SYNJ2: variants seen among roughly 807,000 people sequenced by gnomAD.
SYNJ2 encodes polyphosphatidylinositol phosphatase SYNJ2.
A neutral mutation model predicts 141.3 loss-of-function variants in SYNJ2; 116 were observed. The observed-to-expected ratio is 0.82, with a 90% CI of 0.71 to 0.96. The LOEUF is 0.96. SYNJ2 is among the 40% of genes least tolerant of loss of function. SYNJ2 has a pLI of 0.00. For missense variants in SYNJ2, 1,873 were observed against 1,934.8 expected, an observed-to-expected ratio of 0.97 and a Z score of 0.60; for synonymous variants, 745 against 777.7, an observed-to-expected ratio of 0.96 and a Z score of 0.70.
rs187724173 is a variant in SYNJ2 at position 158,089,620 on chromosome 6, G to A, written c.3457-219G>A. Among the ~76,000 whole-genome samples, 41 of 152,206 alleles carry A rather than the reference G, an allele frequency of 2.7e-4. No homozygotes were observed. In the East Asian group the frequency reaches 6.4e-3, roughly 24 times the overall value. On this transcript the variant is annotated intron_variant, in intron 24 of 26. Transcript: ENST00000355585. ...CATATGCAAAAATCTGTAATCACCC[G>A]GCTTTGAAGACCAGGGTCATCAGGT...
chr6:158,048,135 T>A (rs1251028897), intron 5 of SYNJ2, among the ~76,000 whole-genome samples: 1 of 152,160 alleles, frequency 6.6e-6, no homozygotes, highest in Non-Finnish European at 1.5e-5. Context: ...AGGGATCAGA[T>A]ACAGTCCCTA....
chr6:158,088,799 C>G (rs1783249186), intron 24 of SYNJ2, 27 bp downstream of exon 24: 1 of 1,552,564 alleles, frequency 6.4e-7, no homozygotes, highest in Admixed American at 1.7e-5. Context: ...ACATTTCAAT[C>G]CCAAGGGTTT....
At chr6:158,026,397 G>T (rs1025806851) in intron 2 of SYNJ2, among the ~76,000 whole-genome samples, 2 of 152,170 alleles carry the variant, frequency 1.3e-5, no homozygotes, top group African/African-American at 2.4e-5. Context: ...GTGAGATGGG[G>T]CTGGTAAGGG....
intron 1 of SYNJ2, among the ~76,000 whole-genome samples, chr6:157,996,969 A>G (rs1261704761): frequency 2.6e-5 from 4 of 152,250 alleles, no homozygotes; most frequent in African/African-American, 9.6e-5. Context: ...GTGCGAGAAC[A>G]GACTAGTACA....
chr6:158,086,837 C>T lies in SYNJ2; in HGVS notation c.3209-18C>T, dbSNP rs1447282249. 6.2e-7 allele frequency: 1 copy of T among 1,610,504 alleles called. No individual in the cohort carries two copies. The highest frequency in any genetic ancestry group is 8.5e-7 in the Non-Finnish European group (1 of 1,179,802). ...TGTGGAACAGACCATTGTACTCATG[C>T]CCCGCCATGTCCTCCAGATGACGCG... On this transcript the variant is annotated intron_variant, in intron 22 of 26. Transcript: ENST00000355585.
At chr6:158,076,910 A>C (rs1352948486) in intron 17 of SYNJ2, 128 bp downstream of exon 17, 1 of 1,188,540 alleles carries the variant, frequency 8.4e-7, no homozygotes, top group Non-Finnish European at 1.1e-6. Flanking sequence ...CAGATGACAC[A>C]AAAGTCATCC....
chr6:157,984,015 T>C (rs1011606545), intron 1 of SYNJ2, among the ~76,000 whole-genome samples: 1 of 151,734 alleles, frequency 6.6e-6, no homozygotes, highest in Non-Finnish European at 1.5e-5. Context: ...TTCTTTTCTT[T>C]TCTTTAAATG....
In SYNJ2 at chr6:158,040,433, T is replaced by G. The variant is rs971805988; in HGVS notation, c.712-2883T>G. ...ATCTCAGCCTCCTTGGGAGGAAGCC[T>G]TGAGTCTTTTTGGCTCTGCTGAGTC... On this transcript the variant is annotated intron_variant, in intron 4 of 26. Coordinates refer to ENST00000355585, the MANE Select transcript of SYNJ2 (RefSeq NM_003898.4). This position sits in a 1 kb window ranked among gnomAD's most constrained non-coding sequence, Gnocchi z 4.2. 1.3e-5 allele frequency among the ~76,000 whole-genome samples: 2 copies of G among 152,140 alleles called. No homozygotes were observed. The highest frequency in any genetic ancestry group is 2.9e-5 in the Non-Finnish European group (2 of 68,040).
rs536198066 is a variant in SYNJ2 at position 158,021,654 on chromosome 6, G to C, written c.214+4364G>C. Among the ~76,000 whole-genome samples, 8 of 152,280 alleles carry C rather than the reference G, an allele frequency of 5.3e-5. No homozygotes were observed. In the South Asian group the frequency reaches 1.2e-3, roughly 24 times the overall value. On this transcript the variant is annotated intron_variant, in intron 2 of 26. Transcript: ENST00000355585. ...TGGCCTCGGGGTGTGGACTCCTGGT[G>C]GGGGGCTCCTCTGCACAGGCTAGCA...
At position 158,012,045 on chromosome 6, in the gene SYNJ2, C is replaced by T. The variant is rs189324602; in HGVS notation, c.128-5159C>T. On this transcript the variant is annotated intron_variant, in intron 1 of 26. Transcript: ENST00000355585. ...GGGGGAAGACATTTGGCAATGCACA[C>T]AGCCTTTGTTTCTGCCTGTGAAGTT... 5.5e-4 allele frequency among the ~76,000 whole-genome samples: 84 copies of T among 152,316 alleles called. 1 individual carries two copies. Among genetic ancestry groups the T allele is most frequent in the Non-Finnish European group, 5.3e-4 (36 of 68,028 alleles).
At chr6:158,044,784 A>C (rs1435928190) in intron 5 of SYNJ2, among the ~76,000 whole-genome samples, 1 of 152,160 alleles carries the variant, frequency 6.6e-6, no homozygotes, top group Non-Finnish European at 1.5e-5. Flanking sequence ...CCCTCATGCC[A>C]ACTCGACTGT....
intron 16 of SYNJ2, 53 bp downstream of exon 16, chr6:158,074,791 A>T: frequency 6.3e-7 from 1 of 1,592,960 alleles, no homozygotes; most frequent in Non-Finnish European, 8.5e-7. Context: ...ATGGAATGAC[A>T]TCTGTGAGAT....
chr6:158,057,015 C>T lies in SYNJ2; in HGVS notation c.857+1987C>T, dbSNP rs994412390. 1.1e-4 allele frequency among the ~76,000 whole-genome samples: 16 copies of T among 151,966 alleles called. No homozygotes were observed. In the East Asian group the frequency reaches 2.7e-3, roughly 26 times the overall value. On this transcript the variant is annotated intron_variant, in intron 6 of 26. Transcript: ENST00000355585. The stretch of plus-strand genomic sequence containing the variant: ...GTGGAAGGGCTAACCTTTCACAGGG[C>T]GGTGCCTCAGTCTCTCCTCACAGGA...
rs371151758 is a variant in SYNJ2 at position 158,088,646 on chromosome 6, G to A, written c.3344-14G>A. On this transcript the variant is annotated splice_polypyrimidine_tract_variant and intron_variant, in intron 23 of 26. Coordinates refer to ENST00000355585, the MANE Select transcript of SYNJ2 (RefSeq NM_003898.4). Reference sequence around the variant, plus strand: ...TCACTGAGATTGAGACTCTGCCCTCGTTGGTTTTTACAGCCGGTTTAATGG... The same window carrying A: ...TCACTGAGATTGAGACTCTGCCCTCATTGGTTTTTACAGCCGGTTTAATGG... 1.2e-4 allele frequency: 194 copies of A among 1,607,538 alleles called. No individual in the cohort carries two copies. The highest frequency in any genetic ancestry group is 2.7e-4 in the East Asian group (12 of 44,852).
chr6:158,084,080 A>T lies in SYNJ2; in HGVS notation c.3114A>T (p.Gly1038=). The change falls in exon 22 of 27, where the codon GGA becomes GGT. Residue 1038 remains glycine, a synonymous_variant. Transcript: ENST00000355585. This position sits in a 1 kb window ranked among gnomAD's most constrained non-coding sequence, Gnocchi z 5.0. ...QPGVSDSELG[G]DDLSDVPGPT... is the part of the protein sequence containing the mutation. ...GAGTCTCGGACAGTGAACTCGGGGG[A>T]GACGACCTCTCTGATGTCCCCGGCC... The T allele has an allele frequency of 6.2e-7, 1 of 1,614,108 alleles. No individual in the cohort carries two copies. Among genetic ancestry groups the T allele is most frequent in the Middle Eastern group, 1.6e-4 (1 of 6,062 alleles).
At chr6:158,087,874 T>TC (rs980299632) in intron 23 of SYNJ2, among the ~76,000 whole-genome samples, 1 of 142,438 alleles carries the variant, frequency 7.0e-6, no homozygotes, top group Non-Finnish European at 1.5e-5. Flanking sequence ...GCAACATACT[T>TC]CTTTTTTTTT....
At chr6:158,008,517 C>A (rs1481104810) in intron 1 of SYNJ2, among the ~76,000 whole-genome samples, 1 of 152,154 alleles carries the variant, frequency 6.6e-6, no homozygotes, top group Non-Finnish European at 1.5e-5. Flanking sequence ...CTTGGTGCTG[C>A]TGGTGTGAGG....
intron 25 of SYNJ2, among the ~76,000 whole-genome samples, chr6:158,091,255 G>A (rs560504425): frequency 2.6e-5 from 4 of 152,032 alleles, no homozygotes; most frequent in East Asian, 1.9e-4. Flanking sequence ...GGTGGAGCTC[G>A]CAGTGAGCCA....
At chr6:158,091,751 T>TAA (rs35408343) in intron 25 of SYNJ2, among the ~76,000 whole-genome samples, 14 of 100,996 alleles carry the variant, frequency 1.4e-4, no homozygotes, top group Middle Eastern at 4.9e-3. Flanking sequence ...CTCTGTCTCA[T>TAA]AAAAAAAAAA....
Sources: allele counts gnomAD v4.1 joint callset (sites outside exome capture counted in the v4.1 genomes callset), GRCh38; gene constraint gnomAD v4.1.1; non-coding constraint Gnocchi (gnomAD v3.1); transcripts MANE v1.5; gene names NCBI Gene and HGNC (gene_info 2026-07-23, HGNC 2026-07-21).